Variants in PTPRN2 observed in about 807,000 individuals in gnomAD.
The protein encoded by PTPRN2 is protein tyrosine phosphatase receptor type N2, also known as receptor-type tyrosine-protein phosphatase N2.
In PTPRN2, 74 loss-of-function variants were observed where a neutral mutation model predicts 118.8. The ratio of observed to expected loss-of-function variants is 0.62; its 90% CI spans 0.52 to 0.76. PTPRN2 has a LOEUF of 0.76. PTPRN2 is among the 30% of genes least tolerant of loss of function. The pLI, the probability that PTPRN2 is intolerant of heterozygous loss-of-function variation, is 0.00. For missense variants in PTPRN2, 1,481 were observed against 1,394.4 expected, an observed-to-expected ratio of 1.06 and a Z score of -0.99; for synonymous variants, 641 against 608.0, an observed-to-expected ratio of 1.05 and a Z score of -0.80.
rs922076631 is a variant in PTPRN2 at position 157,615,536 on chromosome 7, C to T, written c.2344+5826G>A. ...GGCTGGGGTGACCCCATCGCAAGGC[C>T]GGGCCGTGGAAACAATCTCAGCCCT... On this transcript the variant is annotated intron_variant, in intron 15 of 22. Transcript: ENST00000389418. The surrounding 1 kb of genome is among the most constrained non-coding windows in gnomAD (Gnocchi z 4.3). 4.0e-5 allele frequency: 19 copies of T among 471,192 alleles called. No homozygotes were observed. The highest frequency in any genetic ancestry group is 3.2e-4 in the Middle Eastern group (1 of 3,078). 29.2% of individuals were successfully genotyped at this position (471,192 alleles called of 1,614,324 possible). A position where few individuals can be genotyped will look rare whatever the true frequency, so the allele number is the denominator to read the frequency against.
chr7:158,448,898 G>A lies in PTPRN2; in HGVS notation c.163+40837C>T, dbSNP rs569716645. On this transcript the variant is annotated intron_variant, in intron 2 of 22. Transcript: ENST00000389418. ...GACCAGTGGGATGCCACATATCTGT[G>A]GGGATGAGGGGCACGGCACTTTGCA... 1.6e-3 allele frequency among the ~76,000 whole-genome samples: 246 copies of A among 152,310 alleles called. 2 individuals are homozygous for A. Among genetic ancestry groups the A allele is most frequent in the African/African-American group, 4.6e-3 (190 of 41,562 alleles).
At chr7:158,226,408 G>GA (rs1259417925) in intron 3 of PTPRN2, among the ~76,000 whole-genome samples, 1 of 152,178 alleles carries the variant, frequency 6.6e-6, no homozygotes, top group African/African-American at 2.4e-5. Context: ...GGAAGGCTGG[G>GA]AACACACCAG....
Position 158,110,825 on chromosome 7 carries a change from T to A in PTPRN2, c.1643+4A>T, listed in dbSNP as rs1338047962. 1.9e-6 allele frequency: 3 copies of A among 1,579,620 alleles called. No homozygotes were observed. The highest frequency in any genetic ancestry group is 2.3e-5 in the South Asian group (2 of 86,408). On this transcript the variant is annotated splice_donor_region_variant and intron_variant, in intron 10 of 22. Coordinates refer to ENST00000389418, the MANE Select transcript of PTPRN2 (RefSeq NM_002847.5). ...AAACAGAAACCCCAGGGCCCCGTAC[T>A]TACTCCACGTCAGCGAACGCACTGC...
At chr7:158,206,915 G>A (rs962901963) in intron 3 of PTPRN2, among the ~76,000 whole-genome samples, 27 of 145,660 alleles carry the variant, frequency 1.9e-4, no homozygotes, top group Non-Finnish European at 3.0e-4. Flanking sequence ...CCACTAACTC[G>A]TCATCTAGCA....
chr7:158,538,807 C>T (rs1468666693), intron 1 of PTPRN2, among the ~76,000 whole-genome samples: 1 of 152,212 alleles, frequency 6.6e-6, no homozygotes, highest in South Asian at 2.1e-4. Flanking sequence ...CAGTGATTCT[C>T]GCAGCCTCGT....
intron 11 of PTPRN2, among the ~76,000 whole-genome samples, chr7:157,950,494 C>A (rs893087766): frequency 9.2e-5 from 14 of 152,214 alleles, no homozygotes; most frequent in African/African-American, 3.4e-4. Context: ...GGGTCAAATG[C>A]TCACTGCTGG....
At chr7:158,542,118 T>C (rs575586979) in intron 1 of PTPRN2, among the ~76,000 whole-genome samples, 2 of 152,384 alleles carry the variant, frequency 1.3e-5, no homozygotes, top group Admixed American at 1.3e-4. Flanking sequence ...TTTTCATTAA[T>C]TCAAACCAGC....
chr7:158,340,397 C>G (rs1447398485), intron 2 of PTPRN2, among the ~76,000 whole-genome samples: 13 of 71,858 alleles, frequency 1.8e-4, no homozygotes, highest in Non-Finnish European at 3.0e-4. Context: ...ACCATAAGAG[C>G]TGACACCCGC....
chr7:157,698,979 G>A (rs2150858722), intron 12 of PTPRN2, among the ~76,000 whole-genome samples: 1 of 152,296 alleles, frequency 6.6e-6, no homozygotes, highest in South Asian at 2.1e-4. Context: ...ATTATGTTCA[G>A]ATGAAAGGAA....
rs1313062477 is a variant in PTPRN2 at position 157,585,717 on chromosome 7, T to C, written c.2497-7577A>G. Among the ~76,000 whole-genome samples the C allele has an allele frequency of 2.0e-5, 3 of 152,032 alleles. No homozygotes were observed. The highest frequency in any genetic ancestry group is 2.9e-5 in the Non-Finnish European group (2 of 67,998). On this transcript the variant is annotated intron_variant, in intron 17 of 22. Coordinates refer to ENST00000389418, the MANE Select transcript of PTPRN2 (RefSeq NM_002847.5). This position sits in a 1 kb window ranked among gnomAD's most constrained non-coding sequence, Gnocchi z 5.2. ...CCTGACATAAATGCATCAGATCCAGTTGTGAAGCAAGAGAGGAAGAGGAAG... is the reference window on the plus strand; with the variant it reads ...CCTGACATAAATGCATCAGATCCAGCTGTGAAGCAAGAGAGGAAGAGGAAG...
intron 12 of PTPRN2, among the ~76,000 whole-genome samples, chr7:157,738,460 C>T (rs1196894426): frequency 6.6e-6 from 1 of 152,170 alleles, no homozygotes; most frequent in Non-Finnish European, 1.5e-5. Flanking sequence ...TCTGGAGGCT[C>T]CTCTCTGATG....
chr7:158,514,067 G>A (rs531111926), intron 1 of PTPRN2, among the ~76,000 whole-genome samples: 4 of 152,266 alleles, frequency 2.6e-5, no homozygotes, highest in African/African-American at 4.8e-5. Context: ...TCAACACCAC[G>A]GGCATCAAAT....
At chr7:157,718,185 A>G (rs953989643) in intron 12 of PTPRN2, among the ~76,000 whole-genome samples, 1 of 152,272 alleles carries the variant, frequency 6.6e-6, no homozygotes, top group African/African-American at 2.4e-5. Context: ...GGGAAAGATG[A>G]TAAGATCAGA....
At chr7:158,312,564 G>A (rs904176623) in intron 3 of PTPRN2, among the ~76,000 whole-genome samples, 15 of 148,766 alleles carry the variant, frequency 1.0e-4, no homozygotes, top group Admixed American at 6.0e-4. Flanking sequence ...ACACCCACAC[G>A]CAAAACCTCC....
rs1563309548 is a variant in PTPRN2, at chr7:157,994,518, G to GCGTCCC, written c.1723+86779_1723+86780insGGGACG. 6.9e-4 allele frequency among the ~76,000 whole-genome samples: 103 copies of GCGTCCC among 148,922 alleles called. 5 individuals carry two copies. Among genetic ancestry groups the GCGTCCC allele is most frequent in the Admixed American group, 1.7e-3 (25 of 14,806 alleles). On this transcript the variant is annotated intron_variant, in intron 11 of 22. Transcript: ENST00000389418. ...GCTCCTTGTTCCTAAAATCAGCACC[G>GCGTCCC]CATCCCCAGCTTACAGCTCCTTGTT... is the stretch of plus-strand genomic sequence containing the variant.
chr7:157,629,396 TTTA>T lies in PTPRN2; in HGVS notation c.2197-7890_2197-7888del, dbSNP rs1157861512. 1.3e-5 allele frequency among the ~76,000 whole-genome samples: 2 copies of T among 152,124 alleles called. No homozygotes were observed. The highest frequency in any genetic ancestry group is 4.8e-5 in the African/African-American group (2 of 41,414). On this transcript the variant is annotated intron_variant, in intron 14 of 22. Coordinates refer to ENST00000389418, the MANE Select transcript of PTPRN2 (RefSeq NM_002847.5). The surrounding 1 kb of genome is among the most constrained non-coding windows in gnomAD (Gnocchi z 4.4). The stretch of plus-strand genomic sequence containing the variant: ...TGAGATACTGAGAGGTGCAAGATGA[TTTA>T]TTATTATTATTAAAAATAATAATGA...
chr7:158,222,755 C>A (rs557243095), intron 3 of PTPRN2, among the ~76,000 whole-genome samples: 1 of 152,156 alleles, frequency 6.6e-6, no homozygotes, highest in East Asian at 1.9e-4. Context: ...AATCAATAAT[C>A]TGAATTCTTT....
At chr7:158,312,183 CTCATGTGTAG>C (rs1801833041) in intron 3 of PTPRN2, among the ~76,000 whole-genome samples, 1 of 141,472 alleles carries the variant, frequency 7.1e-6, no homozygotes, top group Non-Finnish European at 1.6e-5. Context: ...CACTCACATG[CTCATGTGTAG>C]ACACTCACAT....
intron 13 of PTPRN2, among the ~76,000 whole-genome samples, chr7:157,663,339 C>T (rs1334947064): frequency 6.6e-6 from 1 of 152,186 alleles, no homozygotes; most frequent in Non-Finnish European, 1.5e-5. Flanking sequence ...CCTGCACGTG[C>T]CCCTGGGAAG....
Sources: allele counts gnomAD v4.1 joint callset (sites outside exome capture counted in the v4.1 genomes callset), GRCh38; gene constraint gnomAD v4.1.1; non-coding constraint Gnocchi (gnomAD v3.1); transcripts MANE v1.5; gene names NCBI Gene and HGNC (gene_info 2026-07-23, HGNC 2026-07-21).